ZFPM2: variants seen among roughly 807,000 people sequenced by gnomAD.
ZFPM2 encodes the protein zinc finger protein, FOG family member 2, also known as zinc finger protein ZFPM2.
ZFPM2 carries 20 observed loss-of-function variants against 98.6 expected under a neutral mutation model. The ratio of observed to expected loss-of-function variants is 0.20; its 90% confidence interval spans 0.14 to 0.29. ZFPM2 has a LOEUF of 0.29. ZFPM2 is among the 10% of genes least tolerant of loss of function. The pLI is 1.00. For synonymous variants in ZFPM2, 518 were observed against 502.7 expected, an observed-to-expected ratio of 1.03 and a Z score of -0.41; for missense variants, 1,310 against 1,388.6, an observed-to-expected ratio of 0.94 and a Z score of 0.90.
intron 4 of ZFPM2, among the ~76,000 whole-genome samples, chr8:105,570,901 A>T (rs1563724614): frequency 6.6e-6 from 1 of 152,210 alleles, no homozygotes; most frequent in Non-Finnish European, 1.5e-5. Flanking sequence ...TTTTAAAAAG[A>T]ATTATTTTTA....
At chr8:105,319,732 A>T (rs916143205) in intron 1 of ZFPM2, 1 of 152,242 alleles carries the variant, frequency 6.6e-6, no homozygotes, top group Non-Finnish European at 1.5e-5. Context: ...AGGGGCCGCC[A>T]GTCACTTCCC....
intron 1 of ZFPM2, among the ~76,000 whole-genome samples, chr8:105,369,832 G>A (rs1315008335): frequency 1.3e-5 from 2 of 152,170 alleles, no homozygotes; most frequent in East Asian, 1.9e-4. Flanking sequence ...TGGGTGCAGT[G>A]AGAGTGATTT....
chr8:105,679,608 A>G (rs1810554249), intron 5 of ZFPM2, among the ~76,000 whole-genome samples: 1 of 152,008 alleles, frequency 6.6e-6, no homozygotes, highest in Admixed American at 6.6e-5. Flanking sequence ...AGTCTGAGCA[A>G]CATGGCAAAA....
At chr8:105,441,450 G>GAA (rs1433158638) in intron 2 of ZFPM2, among the ~76,000 whole-genome samples, 5 of 82,864 alleles carry the variant, frequency 6.0e-5, no homozygotes, top group African/African-American at 1.5e-4. Context: ...GAGAGAGAGA[G>GAA]AGAGAAAGAA....
At chr8:105,734,143 G>A (rs1812014772) in intron 5 of ZFPM2, among the ~76,000 whole-genome samples, 2 of 151,830 alleles carry the variant, frequency 1.3e-5, no homozygotes, top group Non-Finnish European at 2.9e-5. Flanking sequence ...CCATAGACTT[G>A]TGTTTAATGT....
intron 4 of ZFPM2, among the ~76,000 whole-genome samples, chr8:105,610,662 A>T (rs2066875330): frequency 1.3e-5 from 2 of 152,168 alleles, no homozygotes. Context: ...AAAAAAAAAT[A>T]GGTTTGAAAA....
At chr8:105,522,041 A>C (rs1814075075) in intron 3 of ZFPM2, among the ~76,000 whole-genome samples, 1 of 152,250 alleles carries the variant, frequency 6.6e-6, no homozygotes, top group Non-Finnish European at 1.5e-5. Context: ...TGTTTCATGC[A>C]TGTGTAAGTA....
At chr8:105,573,665 C>A (rs185559178) in intron 4 of ZFPM2, among the ~76,000 whole-genome samples, 121 of 152,252 alleles carry the variant, frequency 7.9e-4, no homozygotes, top group African/African-American at 2.7e-3. Flanking sequence ...GCAATAAAGA[C>A]AAATTAAAAT....
chr8:105,671,722 A>C (rs930463563), intron 5 of ZFPM2, among the ~76,000 whole-genome samples: 1 of 152,112 alleles, frequency 6.6e-6, no homozygotes, highest in African/African-American at 2.4e-5. Context: ...CAATAAATAT[A>C]ACAAGTAAGT....
At chr8:105,787,458 T>A (rs1418188088) in intron 5 of ZFPM2, 1 of 152,246 alleles carries the variant, frequency 6.6e-6, no homozygotes, top group Non-Finnish European at 1.5e-5. Flanking sequence ...CCTTTAAAAC[T>A]TAATCAGCTG....
At chr8:105,691,178 T>C (rs1486301414) in intron 5 of ZFPM2, among the ~76,000 whole-genome samples, 1 of 151,750 alleles carries the variant, frequency 6.6e-6, no homozygotes, top group Non-Finnish European at 1.5e-5. Flanking sequence ...GTTCACATAG[T>C]TGCTTCTGAC....
At chr8:105,425,271 C>T (rs111389678) in intron 2 of ZFPM2, among the ~76,000 whole-genome samples, 86 of 152,160 alleles carry the variant, frequency 5.7e-4, no homozygotes, top group African/African-American at 2.0e-3. Flanking sequence ...AGTTTGTATA[C>T]GCCTGGAGAA....
chr8:105,731,260 C>T (rs974667006), intron 5 of ZFPM2, among the ~76,000 whole-genome samples: 7 of 151,400 alleles, frequency 4.6e-5, no homozygotes, highest in Non-Finnish European at 7.4e-5. Flanking sequence ...AACCACTTCT[C>T]CTTTTTCCAC....
intron 5 of ZFPM2, among the ~76,000 whole-genome samples, chr8:105,719,976 A>T (rs1416544015): frequency 1.3e-5 from 2 of 151,946 alleles, no homozygotes; most frequent in Non-Finnish European, 2.9e-5. Flanking sequence ...TAATGGTATC[A>T]AGTTTAAATG....
At chr8:105,664,735 TTTTTG>T in intron 5 of ZFPM2, among the ~76,000 whole-genome samples, 1 of 152,192 alleles carries the variant, frequency 6.6e-6, no homozygotes, top group Non-Finnish European at 1.5e-5. Context: ...CTTTAAATTG[TTTTTG>T]TTCTTTAAAA....
At chr8:105,754,590 T>G (rs1456228522) in intron 5 of ZFPM2, among the ~76,000 whole-genome samples, 2 of 152,128 alleles carry the variant, frequency 1.3e-5, no homozygotes, top group Non-Finnish European at 2.9e-5. Context: ...GTGCCTCAAT[T>G]TCTTATTCAA....
At chr8:105,388,522 G>A (rs1298327367) in intron 1 of ZFPM2, among the ~76,000 whole-genome samples, 4 of 152,140 alleles carry the variant, frequency 2.6e-5, no homozygotes, top group Non-Finnish European at 4.4e-5. Context: ...AAGCCTTCTG[G>A]GGGGTGATGG....
At chr8:105,393,106 CTG>C (rs1432613616) in intron 1 of ZFPM2, among the ~76,000 whole-genome samples, 2 of 152,116 alleles carry the variant, frequency 1.3e-5, no homozygotes, top group East Asian at 1.9e-4. Context: ...TCTGTAACAT[CTG>C]TAATTTTTTT....
At chr8:105,761,498 CT>C (rs1393824717) in intron 5 of ZFPM2, among the ~76,000 whole-genome samples, 1 of 151,904 alleles carries the variant, frequency 6.6e-6, no homozygotes, top group African/African-American at 2.4e-5. Flanking sequence ...TGAAAGCTTT[CT>C]TTGTCTTCTT....
Sources: allele counts gnomAD v4.1 joint callset (sites outside exome capture counted in the v4.1 genomes callset), GRCh38; gene constraint gnomAD v4.1.1; transcripts MANE v1.5; gene names NCBI Gene and HGNC (gene_info 2026-07-23, HGNC 2026-07-21).